The following UQCC1 variants were observed in gnomAD, a reference collection of about 807,000 sequenced individuals.
The protein encoded by UQCC1 is ubiquinol-cytochrome c reductase complex assembly factor 1, also known as bFGF-repressed Zic-binding protein.
Under a neutral mutation model 48.0 loss-of-function variants are expected in UQCC1, and 38 were observed. The ratio of observed to expected loss-of-function variants is 0.79; its 90% CI spans 0.61 to 1.04. UQCC1 has a LOEUF of 1.04. UQCC1 is among the 50% of genes least tolerant of loss of function. The pLI, the probability that UQCC1 is intolerant of heterozygous loss-of-function variation, is 0.00. For synonymous variants in UQCC1, 111 were observed against 129.2 expected (o/e 0.86, Z 0.95); for missense variants, 368 against 381.8 (o/e 0.96, Z 0.30).
chr20:35,357,983 G>A (rs1313580463), intron 6 of UQCC1, among the ~76,000 whole-genome samples: 1 of 152,080 alleles, frequency 6.6e-6, no homozygotes, highest in Non-Finnish European at 1.5e-5. Flanking sequence ...GGAAACGAGG[G>A]GGAATTGAGA....
chr20:35,348,729 C>T (rs2061458126), intron 6 of UQCC1, among the ~76,000 whole-genome samples: 1 of 152,206 alleles, frequency 6.6e-6, no homozygotes, highest in Admixed American at 6.5e-5. Flanking sequence ...ACACAGCTCA[C>T]TGTAGCCTCA....
chr20:35,342,324 T>A (rs1165843412), intron 7 of UQCC1, among the ~76,000 whole-genome samples: 1 of 152,250 alleles, frequency 6.6e-6, no homozygotes, highest in Non-Finnish European at 1.5e-5. Context: ...TGAGAGGAAG[T>A]CGTTTAGCCA....
intron 6 of UQCC1, among the ~76,000 whole-genome samples, chr20:35,349,992 C>CAACA (rs11474405): frequency 0.52 from 77,809 of 150,090 alleles, 21,540 homozygotes; most frequent in East Asian, 0.7. Flanking sequence ...GACCCTGTCT[C>CAACA]AACAAACAAA....
chr20:35,411,959 G>A lies in UQCC1; in HGVS notation c.5C>T (p.Ala2Val), dbSNP rs747367134. The A allele has an allele frequency of 3.7e-6, 6 of 1,614,180 alleles. No individual in the cohort carries two copies. The highest frequency in any genetic ancestry group is 1.6e-4 in the Middle Eastern group (1 of 6,062). The change falls in exon 1 of 10, where the codon GCG becomes GTG. Residue 2 changes from alanine to valine, a missense_variant. Transcript: ENST00000374385. ...ACTCACAAGGACTCGCACCAGCAAC[G>A]CCATGTTCCTCAATAACCATTTCCG... MALLVRVLRNQT... is the reference protein window; with the variant it reads MVLLVRVLRNQT...
chr20:35,342,223 A>G (rs2146375097), intron 7 of UQCC1, among the ~76,000 whole-genome samples: 1 of 152,306 alleles, frequency 6.6e-6, no homozygotes, highest in Admixed American at 6.5e-5. Flanking sequence ...TCTCAACTAC[A>G]GCCCACTCCC....
intron 7 of UQCC1, among the ~76,000 whole-genome samples, chr20:35,327,046 T>C (rs1014732476): frequency 1.3e-5 from 2 of 152,136 alleles, no homozygotes; most frequent in African/African-American, 4.8e-5. Context: ...AAAATAGATA[T>C]CATATTGCCC....
chr20:35,344,828 G>T (rs555242081), intron 7 of UQCC1: 2 of 152,336 alleles, frequency 1.3e-5, no homozygotes, highest in South Asian at 4.1e-4. Context: ...TAGCTTCAGG[G>T]TAGGGGCTGG....
intron 6 of UQCC1, among the ~76,000 whole-genome samples, chr20:35,351,781 A>G (rs1029080500): frequency 3.3e-5 from 5 of 152,214 alleles, no homozygotes; most frequent in Non-Finnish European, 5.9e-5. Flanking sequence ...GTTTCACAAC[A>G]CAGTTTGTTC....
At chr20:35,408,381 T>C (rs972337016) in intron 1 of UQCC1, among the ~76,000 whole-genome samples, 53 of 151,972 alleles carry the variant, frequency 3.5e-4, no homozygotes, top group African/African-American at 1.2e-3. Flanking sequence ...TAAGCTGTCA[T>C]TGGGCCACTG....
intron 6 of UQCC1, among the ~76,000 whole-genome samples, chr20:35,363,780 C>A (rs1186764243): frequency 6.6e-6 from 1 of 152,206 alleles, no homozygotes; most frequent in Non-Finnish European, 1.5e-5. Context: ...ACACTACCAC[C>A]TCCAAGAGGT....
chr20:35,411,807 G>A (rs927939879), intron 1 of UQCC1, 133 bp downstream of exon 1: 1 of 1,234,518 alleles, frequency 8.1e-7, no homozygotes, highest in Non-Finnish European at 1.2e-6. Context: ...TTTCCCCACG[G>A]AAAAGCGGCC....
At chr20:35,346,861 T>C in intron 7 of UQCC1, 1 of 816,528 alleles carries the variant, frequency 1.2e-6, no homozygotes, top group East Asian at 2.7e-5. Flanking sequence ...TGGATTATCA[T>C]TTGATTCCCT....
rs892325115 is a variant in UQCC1 at position 35,365,683 on chromosome 20, A to C, written c.464+874T>G. Among the ~76,000 whole-genome samples, 26 of 151,900 alleles carry C rather than the reference A, an allele frequency of 1.7e-4. 1 individual carries two copies. Among genetic ancestry groups the C allele is most frequent in the African/African-American group, 6.0e-4 (25 of 41,494 alleles). Reference sequence around the variant, plus strand: ...AAAAAAAAAAAAAAAAGCATAAAATAAACTGCCACCTTAGGCCCCTAAGCC... The same window carrying C: ...AAAAAAAAAAAAAAAAGCATAAAATCAACTGCCACCTTAGGCCCCTAAGCC... On this transcript the variant is annotated intron_variant, in intron 6 of 9. Transcript: ENST00000374385.
chr20:35,400,212 C>T (rs534616991), intron 1 of UQCC1, among the ~76,000 whole-genome samples: 1 of 152,158 alleles, frequency 6.6e-6, no homozygotes, highest in South Asian at 2.1e-4. Flanking sequence ...AGGCATGAGC[C>T]ACCGTGTCGA....
chr20:35,325,861 A>C (rs1486544720), intron 7 of UQCC1, among the ~76,000 whole-genome samples: 1 of 152,036 alleles, frequency 6.6e-6, no homozygotes, highest in East Asian at 1.9e-4. Flanking sequence ...AAAAAAAAAA[A>C]CAAAAAAACA....
intron 2 of UQCC1, among the ~76,000 whole-genome samples, chr20:35,387,101 C>T (rs2061953558): frequency 6.6e-6 from 1 of 151,588 alleles, no homozygotes; most frequent in Admixed American, 6.6e-5. Flanking sequence ...ACATGGCAAA[C>T]CACCATCTCT....
chr20:35,342,889 T>TATGA (rs1315611945), intron 7 of UQCC1, among the ~76,000 whole-genome samples: 1 of 152,230 alleles, frequency 6.6e-6, no homozygotes, highest in Non-Finnish European at 1.5e-5. Flanking sequence ...CACGATGATA[T>TATGA]ATGAGTCTGC....
At chr20:35,395,978 G>GT (rs1239478690) in intron 1 of UQCC1, among the ~76,000 whole-genome samples, 15 of 110,034 alleles carry the variant, frequency 1.4e-4, no homozygotes. Context: ...GGTTTGCAAT[G>GT]TCTTTTTTTT....
chr20:35,402,580 A>AAAAC lies in UQCC1; in HGVS notation c.25-8388_25-8385dup, dbSNP rs201662360. ...GCGACAGAGCGAGACTCCATCTCAA[A>AAAAC]AAACAAACAAACAAACAAACAAACA... is the stretch of plus-strand genomic sequence containing the variant. On this transcript the variant is annotated intron_variant, in intron 1 of 9. Coordinates refer to ENST00000374385, the MANE Select transcript of UQCC1 (RefSeq NM_018244.5). Among the ~76,000 whole-genome samples the AAAAC allele has an allele frequency of 1.0e-3, 143 of 142,104 alleles. 1 individual carries two copies. The South Asian group carries it at 0.012, about 12-fold the overall frequency. The allele number at this position is 142,104 out of a possible 152,430, so 93.2% of individuals were successfully genotyped here. A position where few individuals can be genotyped will look rare whatever the true frequency, so the allele number is the denominator to read the frequency against.
Sources: allele counts gnomAD v4.1 joint callset (sites outside exome capture counted in the v4.1 genomes callset), GRCh38; gene constraint gnomAD v4.1.1; transcripts MANE v1.5; gene names NCBI Gene and HGNC (gene_info 2026-07-23, HGNC 2026-07-21).